Variants in EYS observed in about 807,000 individuals in gnomAD.
The protein encoded by EYS is protein eyes shut homolog.
EYS carries 250 observed loss-of-function variants against 282.1 expected under a neutral mutation model. The ratio of observed to expected loss-of-function variants is 0.89; its 90% CI spans 0.80 to 0.98. EYS has a LOEUF of 0.98. Ranked by LOEUF, EYS falls within the 50% of genes least tolerant of loss-of-function variation. EYS has a pLI of 0.00. For missense variants in EYS, 4,016 were observed against 3,709.0 expected (o/e 1.08, Z -2.15); for synonymous variants, 1,355 against 1,282.9 (o/e 1.06, Z -1.20).
chr6:64,974,248 G>T (rs1770398688), intron 14 of EYS, among the ~76,000 whole-genome samples: 1 of 151,838 alleles, frequency 6.6e-6, no homozygotes, highest in East Asian at 1.9e-4. Context: ...ATAAAGAAAA[G>T]TATGAAAGGG....
intron 14 of EYS, among the ~76,000 whole-genome samples, chr6:64,968,412 T>A (rs1431980344): frequency 6.6e-6 from 1 of 152,192 alleles, no homozygotes; most frequent in East Asian, 1.9e-4. Context: ...TTTCAAAATA[T>A]ATTTATATGA....
chr6:64,699,216 C>T (rs1162166419), intron 22 of EYS, among the ~76,000 whole-genome samples: 2 of 152,036 alleles, frequency 1.3e-5, no homozygotes, highest in Non-Finnish European at 2.9e-5. Flanking sequence ...AGCAAACTAA[C>T]ACAGGAACCG....
At chr6:64,263,073 GTGA>G (rs3072583) in intron 30 of EYS, among the ~76,000 whole-genome samples, 101,428 of 151,430 alleles carry the variant, frequency 0.67, 34,001 homozygotes, top group South Asian at 0.71. Flanking sequence ...TGTGTGTAAG[GTGA>G]TGATAGTAAA....
chr6:65,174,854 C>T (rs1275176565), intron 12 of EYS, among the ~76,000 whole-genome samples: 1 of 151,176 alleles, frequency 6.6e-6, no homozygotes, highest in Admixed American at 6.6e-5. Context: ...CATATTGCAA[C>T]TAAATATTAA....
intron 14 of EYS, among the ~76,000 whole-genome samples, chr6:64,990,237 G>C (rs555822985): frequency 1.3e-5 from 2 of 151,496 alleles, no homozygotes; most frequent in African/African-American, 4.8e-5. Flanking sequence ...CCCCTTAAAT[G>C]CATGATATGA....
intron 28 of EYS, among the ~76,000 whole-genome samples, chr6:64,394,703 T>C (rs1773294732): frequency 6.6e-6 from 1 of 151,928 alleles, no homozygotes; most frequent in Non-Finnish European, 1.5e-5. Context: ...GGCATTACCA[T>C]TCAGGACATA....
intron 2 of EYS, among the ~76,000 whole-genome samples, chr6:65,609,873 TC>T: frequency 6.6e-6 from 1 of 152,252 alleles, no homozygotes; most frequent in South Asian, 2.1e-4. Flanking sequence ...TCTACACTTA[TC>T]TTTTTGAATG....
chr6:65,022,461 T>A (rs1013795188), intron 13 of EYS, among the ~76,000 whole-genome samples: 3 of 152,292 alleles, frequency 2.0e-5, no homozygotes, highest in East Asian at 1.9e-4. Context: ...TAGGCTGTTA[T>A]GGCTATTTCT....
intron 22 of EYS, among the ~76,000 whole-genome samples, chr6:64,752,326 C>T (rs1326777198): frequency 2.0e-5 from 3 of 151,888 alleles, no homozygotes; most frequent in African/African-American, 7.3e-5. Context: ...ACAAACATAA[C>T]TTTTAGAGGA....
chr6:63,972,355 C>T (rs919773522), intron 35 of EYS, among the ~76,000 whole-genome samples: 1 of 152,074 alleles, frequency 6.6e-6, no homozygotes, highest in African/African-American at 2.4e-5. Flanking sequence ...CCCCTCTACA[C>T]AAATGATGAA....
At chr6:65,512,771 C>T (rs956284966) in intron 2 of EYS, among the ~76,000 whole-genome samples, 7 of 152,112 alleles carry the variant, frequency 4.6e-5, no homozygotes, top group Non-Finnish European at 8.8e-5. Flanking sequence ...ACCAGAATCT[C>T]TGGGACACAT....
chr6:65,276,756 A>G (rs774105032), intron 12 of EYS, among the ~76,000 whole-genome samples: 19 of 148,344 alleles, frequency 1.3e-4, no homozygotes, highest in Non-Finnish European at 2.6e-4. Flanking sequence ...TGAAGCCAAA[A>G]GAAATACAGA....
chr6:64,191,925 A>T (rs1765126332), intron 31 of EYS, among the ~76,000 whole-genome samples: 1 of 148,774 alleles, frequency 6.7e-6, no homozygotes, highest in African/African-American at 2.5e-5. Context: ...CAATGGTTGA[A>T]CTAGTTTACA....
At chr6:64,237,999 C>A (rs1348881234) in intron 30 of EYS, among the ~76,000 whole-genome samples, 1 of 152,044 alleles carries the variant, frequency 6.6e-6, no homozygotes, top group Non-Finnish European at 1.5e-5. Flanking sequence ...TTGAATATAA[C>A]ATTTATGTAA....
intron 22 of EYS, among the ~76,000 whole-genome samples, chr6:64,669,881 G>T (rs940340924): frequency 6.6e-6 from 1 of 152,040 alleles, no homozygotes; most frequent in African/African-American, 2.4e-5. Context: ...GACCAAAAAA[G>T]GCCTTAACAT....
At chr6:65,002,010 G>GA (rs1771481404) in intron 13 of EYS, among the ~76,000 whole-genome samples, 1 of 145,296 alleles carries the variant, frequency 6.9e-6, no homozygotes, top group Non-Finnish European at 1.5e-5. Context: ...TCATATCTTA[G>GA]AAAAAATCAT....
rs779154270 is a variant in EYS at position 63,726,510 on chromosome 6, C to T, written c.8233+9G>A. On this transcript the variant is annotated intron_variant, in intron 42 of 42. Transcript: ENST00000503581. ...TTCATTCTGCAAACAAACAGCCTGC[C>T]AATCTTACCTGATTGGGCTTTTAAG... is the stretch of plus-strand genomic sequence containing the variant. 1.3e-4 allele frequency: 194 copies of T among 1,544,406 alleles called. No individual in the cohort carries two copies. The highest frequency in any genetic ancestry group is 1.6e-4 in the Non-Finnish European group (188 of 1,143,824).
chr6:65,190,965 T>C (rs1262025970), intron 12 of EYS, among the ~76,000 whole-genome samples: 1 of 151,804 alleles, frequency 6.6e-6, no homozygotes, highest in East Asian at 1.9e-4. Flanking sequence ...TGACAATCTG[T>C]ATGCTAATTC....
At chr6:63,731,532 T>C (rs1768780415) in intron 41 of EYS, among the ~76,000 whole-genome samples, 1 of 152,222 alleles carries the variant, frequency 6.6e-6, no homozygotes, top group South Asian at 2.1e-4. Context: ...CTTGGTCTTT[T>C]ACAATTTACT....
Sources: allele counts gnomAD v4.1 joint callset (sites outside exome capture counted in the v4.1 genomes callset), GRCh38; gene constraint gnomAD v4.1.1; transcripts MANE v1.5; gene names NCBI Gene and HGNC (gene_info 2026-07-23, HGNC 2026-07-21).